Variants in SNTG1 observed in about 807,000 individuals in gnomAD.
SNTG1 encodes the protein gamma-1-syntrophin.
Under a neutral mutation model 74.7 loss-of-function variants are expected in SNTG1, and 39 were observed. The ratio of observed to expected loss-of-function variants is 0.52; its 90% CI spans 0.40 to 0.68. The LOEUF (loss-of-function observed/expected upper bound fraction) is 0.68, where lower values mean the gene tolerates loss of function less well. Among genes scored for constraint, SNTG1 ranks in the 30% least tolerant of loss-of-function variants. The pLI is 0.00. For synonymous variants in SNTG1, 254 were observed against 217.1 expected, an observed-to-expected ratio of 1.17 and a Z score of -1.49; for missense variants, 685 against 609.5, an observed-to-expected ratio of 1.12 and a Z score of -1.30.
In SNTG1 at chr8:50,790,796, A is replaced by T. The variant is rs117716636; in HGVS notation, c.1396-1875A>T. ...TCAAATTATTGATAAATAATTGACA[A>T]GGTGGGAGTAATTGAAAATTTTTAT... On this transcript the variant is annotated intron_variant, in intron 18 of 18. Coordinates refer to ENST00000642720, the MANE Select transcript of SNTG1 (RefSeq NM_018967.5). Among the ~76,000 whole-genome samples the T allele has an allele frequency of 9.3e-3, 1,408 of 152,056 alleles. 12 individuals are homozygous for T. The highest frequency in any genetic ancestry group is 0.015 in the Non-Finnish European group (998 of 67,882).
At chr8:50,509,582 T>G (rs1287186210) in intron 9 of SNTG1, among the ~76,000 whole-genome samples, 1 of 152,134 alleles carries the variant, frequency 6.6e-6, no homozygotes, top group Non-Finnish European at 1.5e-5. Context: ...TGTATCCTCT[T>G]GTATTTCATT....
chr8:50,622,239 T>C (rs1349718836), intron 13 of SNTG1, among the ~76,000 whole-genome samples: 1 of 152,182 alleles, frequency 6.6e-6, no homozygotes, highest in Non-Finnish European at 1.5e-5. Context: ...GTATCCTACG[T>C]AGTTAAAATA....
At chr8:50,719,204 A>T (rs1295374012) in intron 17 of SNTG1, among the ~76,000 whole-genome samples, 1 of 152,222 alleles carries the variant, frequency 6.6e-6, no homozygotes, top group Non-Finnish European at 1.5e-5. Flanking sequence ...TTCAAAATTC[A>T]TACATTAGAA....
rs1051375961 is a variant in SNTG1 at position 50,332,390 on chromosome 8, C to A, written c.-27-61822C>A. On this transcript the variant is annotated intron_variant, in intron 2 of 18. Transcript: ENST00000642720. ...TGCCCTCGTGTACATCCATGGCCCC[C>A]ACCAGGCAAGAAAACAGAGTCCCCA... Among the ~76,000 whole-genome samples the A allele has an allele frequency of 3.4e-4, 52 of 151,830 alleles. 1 individual carries two copies. Among genetic ancestry groups the A allele is most frequent in the Admixed American group, 3.4e-3 (52 of 15,232 alleles).
intron 2 of SNTG1, among the ~76,000 whole-genome samples, chr8:50,186,391 G>A (rs1040533261): frequency 6.6e-6 from 1 of 152,034 alleles, no homozygotes; most frequent in African/African-American, 2.4e-5. Context: ...TATGGTCAAA[G>A]GGTATTTCTT....
intron 17 of SNTG1, among the ~76,000 whole-genome samples, chr8:50,726,830 C>T (rs939140931): frequency 2.0e-5 from 3 of 151,984 alleles, no homozygotes; most frequent in South Asian, 4.2e-4. Context: ...GCCCAGGCGA[C>T]AGAGTGAGAC....
At chr8:50,447,739 A>G (rs2093419781) in intron 5 of SNTG1, among the ~76,000 whole-genome samples, 1 of 152,236 alleles carries the variant, frequency 6.6e-6, no homozygotes, top group Non-Finnish European at 1.5e-5. Flanking sequence ...TGGGAAGAAG[A>G]AAGAAAACAA....
chr8:50,771,541 A>T (rs1428473049), intron 18 of SNTG1, among the ~76,000 whole-genome samples: 1 of 152,150 alleles, frequency 6.6e-6, no homozygotes, highest in African/African-American at 2.4e-5. Flanking sequence ...TAAAGATTTT[A>T]AAAATTTGCA....
intron 4 of SNTG1, among the ~76,000 whole-genome samples, chr8:50,422,879 G>T (rs915984145): frequency 6.6e-6 from 1 of 152,112 alleles, no homozygotes; most frequent in Non-Finnish European, 1.5e-5. Context: ...AGCTTTAAAA[G>T]GTGGCTGAGT....
At chr8:50,236,367 G>T (rs2085894946) in intron 2 of SNTG1, among the ~76,000 whole-genome samples, 1 of 151,826 alleles carries the variant, frequency 6.6e-6, no homozygotes, top group Admixed American at 6.6e-5. Flanking sequence ...TCCAAGGTAT[G>T]ATTCCGGTGC....
At position 50,473,928 on chromosome 8, in the gene SNTG1, G is replaced by A. The variant is rs574201086; in HGVS notation, c.363+23199G>A. Among the ~76,000 whole-genome samples the A allele has an allele frequency of 3.9e-5, 6 of 152,128 alleles. No homozygotes were observed. The South Asian group carries it at 1.2e-3, about 32-fold the overall frequency. ...GAGCCTGGGGGAAGAAGGGAACAGAGGGTTATTGTTTTAGGGGTATAGAAT... is the reference window on the plus strand; with the variant it reads ...GAGCCTGGGGGAAGAAGGGAACAGAAGGTTATTGTTTTAGGGGTATAGAAT... On this transcript the variant is annotated intron_variant, in intron 8 of 18. Transcript: ENST00000642720.
rs59123896 is a variant in SNTG1 at position 50,501,425 on chromosome 8, G to GT, written c.364-1324dup. Reference sequence around the variant, plus strand: ...GGAGCAGAGAGAGATGAGCCTGTGCGTTTTTTTTTTTTTTTTTTTTTTTTT... The same window carrying GT: ...GGAGCAGAGAGAGATGAGCCTGTGCGTTTTTTTTTTTTTTTTTTTTTTTTTT... On this transcript the variant is annotated intron_variant, in intron 8 of 18. Coordinates refer to ENST00000642720, the MANE Select transcript of SNTG1 (RefSeq NM_018967.5). Among the ~76,000 whole-genome samples, 286 of 57,096 alleles carry GT rather than the reference G, an allele frequency of 5.0e-3. 109 individuals are homozygous for GT. Among genetic ancestry groups the GT allele is most frequent in the East Asian group, 9.3e-3 (17 of 1,828 alleles). 37.5% of individuals were successfully genotyped at this position (57,096 alleles called of 152,430 possible). A position where few individuals can be genotyped will look rare whatever the true frequency, so the allele number is the denominator to read the frequency against.
intron 1 of SNTG1, among the ~76,000 whole-genome samples, chr8:49,987,027 T>C (rs921562486): frequency 1.3e-5 from 2 of 152,222 alleles, no homozygotes; most frequent in Non-Finnish European, 2.9e-5. Flanking sequence ...TTAGCTTATG[T>C]TGGGAAATGA....
chr8:50,791,327 A>G (rs919446074), intron 18 of SNTG1, among the ~76,000 whole-genome samples: 2 of 151,938 alleles, frequency 1.3e-5, no homozygotes, highest in African/African-American at 2.4e-5. Flanking sequence ...TAAGGGAATT[A>G]GAATAGTTAA....
At chr8:50,270,872 G>A (rs1266685846) in intron 2 of SNTG1, among the ~76,000 whole-genome samples, 1 of 152,180 alleles carries the variant, frequency 6.6e-6, no homozygotes, top group East Asian at 1.9e-4. Flanking sequence ...GAAAGTCACA[G>A]CCACACCGTG....
chr8:50,508,041 T>C (rs2094024956), intron 9 of SNTG1, among the ~76,000 whole-genome samples: 1 of 151,858 alleles, frequency 6.6e-6, no homozygotes, highest in African/African-American at 2.4e-5. Flanking sequence ...TAACGTTAGA[T>C]ATATCTCCTA....
chr8:50,088,804 C>G (rs997334141), intron 1 of SNTG1, among the ~76,000 whole-genome samples: 4 of 148,420 alleles, frequency 2.7e-5, no homozygotes, highest in African/African-American at 9.8e-5. Flanking sequence ...TAGGAAGAAT[C>G]AATATCGTGA....
At chr8:50,118,359 AT>A (rs1412277798) in intron 1 of SNTG1, among the ~76,000 whole-genome samples, 1 of 152,214 alleles carries the variant, frequency 6.6e-6, no homozygotes, top group Non-Finnish European at 1.5e-5. Context: ...TCAAATAAAT[AT>A]GTTGGAAATG....
chr8:50,309,419 C>A (rs1295443127), intron 2 of SNTG1, among the ~76,000 whole-genome samples: 5 of 151,596 alleles, frequency 3.3e-5, no homozygotes, highest in Non-Finnish European at 2.9e-5. Flanking sequence ...AAGAGAAAGT[C>A]AGATGGTTTT....
Sources: allele counts gnomAD v4.1 joint callset (sites outside exome capture counted in the v4.1 genomes callset), GRCh38; gene constraint gnomAD v4.1.1; transcripts MANE v1.5; gene names NCBI Gene and HGNC (gene_info 2026-07-23, HGNC 2026-07-21).